EPHA6: variants seen among roughly 807,000 people sequenced by gnomAD.
EPHA6 encodes the protein EPH receptor A6.
Under a neutral mutation model 112.0 loss-of-function variants are expected in EPHA6, and 50 were observed. That is an observed-to-expected ratio of 0.45 (90% confidence interval 0.36 to 0.56). The LOEUF (loss-of-function observed/expected upper bound fraction) is 0.56, where lower values mean the gene tolerates loss of function less well. Among genes scored for constraint, EPHA6 ranks in the 20% least tolerant of loss-of-function variants. EPHA6 has a pLI of 0.00. For synonymous variants in EPHA6, 529 were observed against 490.7 expected (o/e 1.08, Z -1.03); for missense variants, 1,280 against 1,417.4 (o/e 0.90, Z 1.56).
At chr3:97,290,426 G>A (rs1418561742) in intron 5 of EPHA6, among the ~76,000 whole-genome samples, 1 of 152,078 alleles carries the variant, frequency 6.6e-6, no homozygotes. Context: ...CTGATGGGTG[G>A]AGTTTTCTCT....
intron 14 of EPHA6, among the ~76,000 whole-genome samples, chr3:97,667,419 C>T (rs1026664674): frequency 3.2e-4 from 49 of 152,142 alleles, no homozygotes; most frequent in Admixed American, 3.1e-3. Flanking sequence ...ATCTGATGCT[C>T]TATAATTTGA....
intron 5 of EPHA6, among the ~76,000 whole-genome samples, chr3:97,366,749 T>C (rs750181310): frequency 2.0e-5 from 3 of 152,186 alleles, no homozygotes; most frequent in East Asian, 3.8e-4. Flanking sequence ...TATGATTATG[T>C]ACTTATGTAG....
intron 3 of EPHA6, among the ~76,000 whole-genome samples, chr3:97,098,421 A>G (rs910998576): frequency 6.6e-6 from 1 of 151,830 alleles, no homozygotes; most frequent in Non-Finnish European, 1.5e-5. Flanking sequence ...TTGCTTTTTT[A>G]TGTAAGCTTT....
At chr3:97,031,780 TAA>T (rs1170563952) in intron 3 of EPHA6, among the ~76,000 whole-genome samples, 2 of 152,016 alleles carry the variant, frequency 1.3e-5, no homozygotes, top group African/African-American at 2.4e-5. Context: ...TGGCGATCAT[TAA>T]AAAGTCAGGA....
intron 3 of EPHA6, among the ~76,000 whole-genome samples, chr3:97,092,642 C>A (rs939569846): frequency 1.9e-4 from 29 of 152,090 alleles, no homozygotes; most frequent in African/African-American, 7.0e-4. Context: ...AAAAAACTGG[C>A]TACCAAGGTT....
intron 13 of EPHA6, among the ~76,000 whole-genome samples, chr3:97,636,585 G>A (rs2093947503): frequency 6.6e-6 from 1 of 151,994 alleles, no homozygotes; most frequent in African/African-American, 2.4e-5. Flanking sequence ...GAGATAAGTT[G>A]ATAGAGCAAG....
At chr3:96,942,624 T>C (rs975486459) in intron 2 of EPHA6, among the ~76,000 whole-genome samples, 5 of 152,210 alleles carry the variant, frequency 3.3e-5, no homozygotes, top group Non-Finnish European at 7.3e-5. Context: ...CCCACTGTCC[T>C]GCGCCCACTG....
In EPHA6 at chr3:96,888,661, A is replaced by G. The variant is rs188058789; in HGVS notation, c.450+21772A>G. 1.4e-3 allele frequency among the ~76,000 whole-genome samples: 215 copies of G among 152,298 alleles called. 3 individuals carry two copies. Among genetic ancestry groups the G allele is most frequent in the Admixed American group, 2.9e-3 (45 of 15,308 alleles). ...AGGTCCATAGGCTGCACACAGCACC[A>G]GGGACCCTGGGCCTGGCCCAGGAAA... On this transcript the variant is annotated intron_variant, in intron 2 of 17. Coordinates refer to ENST00000389672, the MANE Select transcript of EPHA6 (RefSeq NM_001080448.3).
rs751370468 is a variant in EPHA6, at chr3:96,987,445, A to C, written c.566A>C (p.Asp189Ala). The change falls in exon 3 of 18, where the codon GAT becomes GCT. Residue 189 changes from aspartate to alanine, a missense_variant. Asp to Ala is a moderately radical substitution (Grantham distance 126, BLOSUM62 -2). Around this residue, in one of 4 missense-constraint regions of EPHA6, gnomAD observed 878 missense variants for 999.7 expected, o/e 0.88. Coordinates refer to ENST00000389672, the MANE Select transcript of EPHA6 (RefSeq NM_001080448.3). ...CTTCGTACAAACTGGATCTCCCGTG[A>C]TGCAGCTCAGAAAATTTATGTGGAA... ...NWLRTNWISR[D>A]AAQKIYVEMK... 3.1e-6 allele frequency: 5 copies of C among 1,613,976 alleles called. No individual in the cohort carries two copies. In the South Asian group the frequency reaches 5.5e-5, roughly 18 times the overall value.
rs116693647 is a variant in EPHA6, at chr3:97,737,205, A to G, written c.3128+1087A>G. On this transcript the variant is annotated intron_variant, in intron 16 of 17. Coordinates refer to ENST00000389672, the MANE Select transcript of EPHA6 (RefSeq NM_001080448.3). ...AAGGAAAGGCACTTTGGATTTTATC[A>G]TGAAAACAATGGACAGCCATGGAAG... 9.4e-3 allele frequency among the ~76,000 whole-genome samples: 1,432 copies of G among 152,240 alleles called. 21 individuals are homozygous for G. The highest frequency in any genetic ancestry group is 0.033 in the African/African-American group (1,364 of 41,560).
chr3:97,386,769 C>T lies in EPHA6; in HGVS notation c.1607-18381C>T, dbSNP rs553516799. Among the ~76,000 whole-genome samples the T allele has an allele frequency of 1.8e-4, 27 of 152,358 alleles. 1 individual carries two copies. The highest frequency in any genetic ancestry group is 1.7e-3 in the Admixed American group (26 of 15,306). On this transcript the variant is annotated intron_variant, in intron 5 of 17. Transcript: ENST00000389672. ...TCCATCCCAACATTTGCCCTTTGCACTGCCATAGTAGAGGTTCTCCATGAT... is the reference window on the plus strand; with the variant it reads ...TCCATCCCAACATTTGCCCTTTGCATTGCCATAGTAGAGGTTCTCCATGAT...
At chr3:97,262,550 G>C (rs930349150) in intron 5 of EPHA6, among the ~76,000 whole-genome samples, 2 of 152,060 alleles carry the variant, frequency 1.3e-5, no homozygotes, top group Non-Finnish European at 2.9e-5. Context: ...AGTCAATCTG[G>C]TGTTTTTTGC....
chr3:97,236,365 G>A (rs2078680207), intron 4 of EPHA6, among the ~76,000 whole-genome samples: 1 of 151,728 alleles, frequency 6.6e-6, no homozygotes, highest in South Asian at 2.1e-4. Flanking sequence ...TGAGTGAGAG[G>A]TTAGAAAAAA....
At chr3:97,670,031 G>T (rs2030644907) in intron 14 of EPHA6, among the ~76,000 whole-genome samples, 1 of 152,072 alleles carries the variant, frequency 6.6e-6, no homozygotes, top group Non-Finnish European at 1.5e-5. Context: ...TTAAAATGTG[G>T]TTGGAGGATT....
chr3:97,208,043 T>C (rs1306105132), intron 3 of EPHA6, among the ~76,000 whole-genome samples: 1 of 152,106 alleles, frequency 6.6e-6, no homozygotes, highest in Admixed American at 6.6e-5. Context: ...TGCCCTAGTC[T>C]CTGGTGATTA....
intron 5 of EPHA6, among the ~76,000 whole-genome samples, chr3:97,365,401 T>C (rs1446159930): frequency 2.6e-5 from 4 of 152,080 alleles, no homozygotes; most frequent in African/African-American, 9.7e-5. Context: ...AAAGACTTTT[T>C]TTTTTTTGAG....
chr3:96,915,994 GCTTT>G (rs975221458), intron 2 of EPHA6, among the ~76,000 whole-genome samples: 1 of 152,034 alleles, frequency 6.6e-6, no homozygotes, highest in Non-Finnish European at 1.5e-5. Context: ...TGTTAAAGAT[GCTTT>G]CTATTTCAAT....
rs1372772937 is a variant in EPHA6 at position 96,859,422 on chromosome 3, C to G, written c.386-7403C>G. On this transcript the variant is annotated intron_variant, in intron 1 of 17. Coordinates refer to ENST00000389672, the MANE Select transcript of EPHA6 (RefSeq NM_001080448.3). ...TTTGAGACAGGGTCTTGTTCTGTCA[C>G]TCAGACTGGAGTGTAGTGGTGCAAT... Among the ~76,000 whole-genome samples the G allele has an allele frequency of 3.4e-5, 5 of 148,794 alleles. No homozygotes were observed. In the East Asian group the frequency reaches 9.9e-4, roughly 30 times the overall value.
At chr3:97,281,222 TGTGTGTGC>T (rs968203095) in intron 5 of EPHA6, among the ~76,000 whole-genome samples, 40 of 143,142 alleles carry the variant, frequency 2.8e-4, no homozygotes, top group East Asian at 2.2e-3. Context: ...TGTGTGTGTG[TGTGTGTGC>T]GCGCGTGTGT....
Sources: gnomAD v4.1 joint callset for allele counts (sites outside exome capture counted in the v4.1 genomes callset) on GRCh38, gnomAD v4.1.1 for gene constraint, gnomAD v4.1.1 regional missense constraint, MANE v1.5 for transcripts, NCBI Gene and HGNC (gene_info 2026-07-23, HGNC 2026-07-21) for gene names.